The following MCC variants were observed in gnomAD, a reference collection of about 807,000 sequenced individuals.
MCC encodes colorectal mutant cancer protein.
A neutral mutation model predicts 116.2 loss-of-function variants in MCC; 90 were observed. The ratio of observed to expected loss-of-function variants is 0.77; its 90% CI spans 0.65 to 0.92. The LOEUF is 0.92. Ranked by LOEUF, MCC falls within the 40% of genes least tolerant of loss-of-function variation. The probability of loss-of-function intolerance (pLI) is 0.00; values close to 1 mark genes in which losing one functional copy is unlikely to be tolerated. For synonymous variants in MCC, 578 were observed against 510.5 expected, an observed-to-expected ratio of 1.13 and a Z score of -1.78; for missense variants, 1,516 against 1,312.2, an observed-to-expected ratio of 1.16 and a Z score of -2.40.
At chr5:113,200,553 T>C (rs1188997802) in intron 3 of MCC, among the ~76,000 whole-genome samples, 3 of 152,238 alleles carry the variant, frequency 2.0e-5, no homozygotes, top group African/African-American at 7.2e-5. Flanking sequence ...TTCTCCCATA[T>C]TGAACTTCCC....
At chr5:113,448,757 A>G (rs113414609) in intron 1 of MCC, among the ~76,000 whole-genome samples, 14 of 152,178 alleles carry the variant, frequency 9.2e-5, no homozygotes, top group Non-Finnish European at 7.4e-5. Context: ...CACCATTACT[A>G]TGAAGTCCTT....
intron 3 of MCC, chr5:113,294,562 C>A: frequency 7.5e-7 from 1 of 1,326,636 alleles, no homozygotes; most frequent in Non-Finnish European, 9.6e-7. Flanking sequence ...TTAAAAAGAG[C>A]AGCCGTGGCT....
chr5:113,424,874 GA>G (rs369394649), intron 1 of MCC, among the ~76,000 whole-genome samples: 52 of 149,186 alleles, frequency 3.5e-4, no homozygotes, highest in South Asian at 2.1e-3. Context: ...TGCTAGGAGT[GA>G]AAAAAAAAGA....
At chr5:113,141,623 G>A (rs1003067775) in intron 5 of MCC, among the ~76,000 whole-genome samples, 4 of 152,098 alleles carry the variant, frequency 2.6e-5, no homozygotes, top group Non-Finnish European at 4.4e-5. Context: ...AGCCTTGCAG[G>A]GAATCCCCTC....
chr5:113,298,225 C>G (rs1026684740), intron 3 of MCC, among the ~76,000 whole-genome samples: 1 of 152,114 alleles, frequency 6.6e-6, no homozygotes, highest in African/African-American at 2.4e-5. Context: ...GGAAATGATA[C>G]AGAAGGTCAA....
chr5:113,119,848 A>G (rs1757631511), intron 6 of MCC, among the ~76,000 whole-genome samples: 1 of 152,220 alleles, frequency 6.6e-6, no homozygotes, highest in Admixed American at 6.5e-5. Context: ...GAGGGACGGA[A>G]TGAAAAGAAT....
At chr5:113,107,906 T>C (rs1756842393) in intron 6 of MCC, among the ~76,000 whole-genome samples, 1 of 152,084 alleles carries the variant, frequency 6.6e-6, no homozygotes, top group South Asian at 2.1e-4. Flanking sequence ...TTCCTTCTCA[T>C]ACTTAAATTG....
chr5:113,279,350 T>C (rs1284493287), intron 3 of MCC, among the ~76,000 whole-genome samples: 3 of 152,192 alleles, frequency 2.0e-5, no homozygotes, highest in South Asian at 2.1e-4. Context: ...CAGTGTCGTA[T>C]TGTGAATGAA....
chr5:113,282,623 C>G (rs184479260), intron 3 of MCC, among the ~76,000 whole-genome samples: 6 of 152,276 alleles, frequency 3.9e-5, no homozygotes, highest in African/African-American at 1.4e-4. Context: ...GTCCAATGCA[C>G]TCATTTTTCC....
At chr5:113,316,262 A>C (rs1767281181) in intron 3 of MCC, among the ~76,000 whole-genome samples, 1 of 152,062 alleles carries the variant, frequency 6.6e-6, no homozygotes, top group Non-Finnish European at 1.5e-5. Flanking sequence ...TCTCAAAAAA[A>C]AAAAAAAAAG....
intron 1 of MCC, among the ~76,000 whole-genome samples, chr5:113,470,257 A>T (rs1772046684): frequency 6.6e-6 from 1 of 152,216 alleles, no homozygotes; most frequent in Non-Finnish European, 1.5e-5. Flanking sequence ...TCGTTAGTTG[A>T]TGCAGTTTCT....
rs896284110 is a variant in MCC at position 113,452,763 on chromosome 5, T to G, written c.170+35482A>C. On this transcript the variant is annotated intron_variant, in intron 1 of 18. Coordinates refer to ENST00000408903, the MANE Select transcript of MCC (RefSeq NM_001085377.2). Reference sequence around the variant, plus strand: ...AGCCACTATTCCAGTAATTCTTTAATGTTCAAGTCTAAGATTATGATTTCA... The same window carrying G: ...AGCCACTATTCCAGTAATTCTTTAAGGTTCAAGTCTAAGATTATGATTTCA... 2.0e-5 allele frequency among the ~76,000 whole-genome samples: 3 copies of G among 152,232 alleles called. No individual in the cohort carries two copies. In the East Asian group the frequency reaches 5.8e-4, roughly 29 times the overall value.
intron 11 of MCC, among the ~76,000 whole-genome samples, chr5:113,077,101 A>C (rs1398102788): frequency 6.6e-6 from 1 of 152,218 alleles, no homozygotes; most frequent in African/African-American, 2.4e-5. Flanking sequence ...CAACAAGAAG[A>C]GCTAACTATC....
intron 3 of MCC, among the ~76,000 whole-genome samples, chr5:113,262,769 C>T (rs994217629): frequency 1.3e-5 from 2 of 151,942 alleles, no homozygotes; most frequent in Non-Finnish European, 2.9e-5. Flanking sequence ...ATTCCTGGGC[C>T]CTGCACCCTG....
chr5:113,145,775 CACACACACAA>C (rs1335383120), intron 4 of MCC, among the ~76,000 whole-genome samples: 247 of 14,336 alleles, frequency 0.017, 2 homozygotes, highest in East Asian at 0.066. Flanking sequence ...CACACACACA[CACACACACAA>C]ACACACACAC....
chr5:113,222,666 C>T (rs536635860), intron 3 of MCC, among the ~76,000 whole-genome samples: 60 of 152,200 alleles, frequency 3.9e-4, no homozygotes, highest in African/African-American at 6.5e-4. Flanking sequence ...GGGGGAGAAA[C>T]GAAGAGAATA....
intron 1 of MCC, among the ~76,000 whole-genome samples, chr5:113,449,516 C>T (rs565940046): frequency 6.6e-6 from 1 of 152,334 alleles, no homozygotes; most frequent in East Asian, 1.9e-4. Context: ...TGTGTGCTGC[C>T]TCAGCGGAGG....
intron 3 of MCC, among the ~76,000 whole-genome samples, chr5:113,331,368 T>C (rs890541477): frequency 2.0e-5 from 3 of 151,658 alleles, no homozygotes; most frequent in Non-Finnish European, 4.4e-5. Flanking sequence ...CCAGCAGCTG[T>C]TCCTTCTCTT....
chr5:113,263,840 A>G lies in MCC; in HGVS notation c.627+76679T>C, dbSNP rs1765306470. The stretch of plus-strand genomic sequence containing the variant: ...ACACAGATCAAGACACAAGCCTCAC[A>G]CTTCATCATGGCAATAGCAAAATAA... On this transcript the variant is annotated intron_variant, in intron 3 of 18. Coordinates refer to ENST00000408903, the MANE Select transcript of MCC (RefSeq NM_001085377.2). Among the ~76,000 whole-genome samples the G allele has an allele frequency of 2.6e-5, 4 of 152,226 alleles. 1 individual carries two copies. The South Asian group carries it at 8.3e-4, about 32-fold the overall frequency.
Sources: gnomAD v4.1 joint callset for allele counts (sites outside exome capture counted in the v4.1 genomes callset) on GRCh38, gnomAD v4.1.1 for gene constraint, MANE v1.5 for transcripts, NCBI Gene and HGNC (gene_info 2026-07-23, HGNC 2026-07-21) for gene names.